The following FGF14 variants were observed in gnomAD, a reference collection of about 807,000 sequenced individuals.
The protein encoded by FGF14 is fibroblast growth factor homologous factor 4.
In FGF14, 5 loss-of-function variants were observed where a neutral mutation model predicts 25.5. The ratio of observed to expected loss-of-function variants is 0.20; its 90% confidence interval spans 0.10 to 0.41. The LOEUF (loss-of-function observed/expected upper bound fraction) is 0.41, where lower values mean the gene tolerates loss of function less well. Ranked by LOEUF, FGF14 falls within the 10% of genes least tolerant of loss-of-function variation. The pLI is 1.00. For missense variants in FGF14, 222 were observed against 320.1 expected (o/e 0.69, Z 2.34); for synonymous variants, 138 against 118.3 (o/e 1.17, Z -1.08).
At chr13:102,146,763 G>T (rs985730869) in intron 1 of FGF14, among the ~76,000 whole-genome samples, 2 of 152,130 alleles carry the variant, frequency 1.3e-5, no homozygotes, top group African/African-American at 4.8e-5. Flanking sequence ...AAAAGCATGA[G>T]TTTCAAACGA....
chr13:101,946,706 A>AGTCC (rs1404669535), intron 1 of FGF14, among the ~76,000 whole-genome samples: 63 of 152,326 alleles, frequency 4.1e-4, no homozygotes, highest in African/African-American at 1.4e-3. Flanking sequence ...CACAGGGACT[A>AGTCC]CTTTTTAAGA....
At chr13:102,193,154 T>C (rs2049196418) in intron 1 of FGF14, among the ~76,000 whole-genome samples, 1 of 152,136 alleles carries the variant, frequency 6.6e-6, no homozygotes, top group African/African-American at 2.4e-5. Flanking sequence ...AACAGAAACT[T>C]ATTTTCTCAC....
chr13:101,765,025 A>T (rs1299756026), intron 3 of FGF14, among the ~76,000 whole-genome samples: 1 of 152,208 alleles, frequency 6.6e-6, no homozygotes, highest in Non-Finnish European at 1.5e-5. Flanking sequence ...ACAATAGATC[A>T]GAGGCATTTT....
intron 1 of FGF14, among the ~76,000 whole-genome samples, chr13:102,274,069 G>A (rs969889585): frequency 6.6e-6 from 1 of 152,142 alleles, no homozygotes; most frequent in Non-Finnish European, 1.5e-5. Context: ...CACCTTGAGG[G>A]GTTTGTTGAG....
Position 101,811,032 on chromosome 13 carries a change from G to GC in FGF14, c.408+57692dup, listed in dbSNP as rs199790717. Among the ~76,000 whole-genome samples the GC allele has an allele frequency of 1.6e-3, 110 of 68,470 alleles. 2 individuals carry two copies. Among genetic ancestry groups the GC allele is most frequent in the South Asian group, 2.8e-3 (5 of 1,806 alleles). The allele number at this position is 68,470 out of a possible 152,430, so 44.9% of individuals were successfully genotyped here. On this transcript the variant is annotated intron_variant, in intron 3 of 4. Coordinates refer to ENST00000376143, the MANE Select transcript of FGF14 (RefSeq NM_004115.4). Reference sequence around the variant, plus strand: ...ATCCTGCTCCAAAACACACATATCCGCCCCCCCCGGCCCCCGCATTATCGA... The same window carrying GC: ...ATCCTGCTCCAAAACACACATATCCGCCCCCCCCCGGCCCCCGCATTATCGA...
At chr13:102,309,102 C>T (rs2055577960) in intron 1 of FGF14, among the ~76,000 whole-genome samples, 1 of 148,702 alleles carries the variant, frequency 6.7e-6, no homozygotes, top group African/African-American at 2.5e-5. Flanking sequence ...GAAAAGTAAA[C>T]ATGCACCCAC....
At chr13:101,848,154 A>G (rs1434751504) in intron 3 of FGF14, among the ~76,000 whole-genome samples, 2 of 152,064 alleles carry the variant, frequency 1.3e-5, no homozygotes, top group South Asian at 4.1e-4. Context: ...TTTTTTAAAA[A>G]TCAAGGAAAT....
At chr13:101,812,635 ATATATATAT>A (rs2041603197) in intron 3 of FGF14, among the ~76,000 whole-genome samples, 2 of 11,026 alleles carry the variant, frequency 1.8e-4, no homozygotes, top group Non-Finnish European at 4.2e-4. Flanking sequence ...ATATATATAT[ATATATATAT>A]ATATATATAT....
rs370936679 is a variant in FGF14 at position 102,316,363 on chromosome 13, A to G, written c.208+85108T>C. On this transcript the variant is annotated intron_variant, in intron 1 of 4. Coordinates refer to the FGF14 transcript ENST00000376131. ...CATTCAACAAAAATGTGGTAAGTTG[A>G]TGGGGTGACAGATATGTTAATTCGC... is the stretch of plus-strand genomic sequence containing the variant. Among the ~76,000 whole-genome samples the G allele has an allele frequency of 1.7e-3, 253 of 152,328 alleles. 2 individuals carry two copies. Among genetic ancestry groups the G allele is most frequent in the African/African-American group, 5.6e-3 (233 of 41,588 alleles).
In FGF14 at chr13:101,796,244, TC is replaced by T. The variant is rs544837691; in HGVS notation, c.409-69435del. Among the ~76,000 whole-genome samples the T allele has an allele frequency of 4.5e-4, 68 of 152,152 alleles. No individual in the cohort carries two copies. The Middle Eastern group carries it at 0.01, about 23-fold the overall frequency. On this transcript the variant is annotated intron_variant, in intron 3 of 4. Coordinates refer to ENST00000376143, the MANE Select transcript of FGF14 (RefSeq NM_004115.4). ...ATTACTAAAATTCATTTCTTTAAAT[TC>T]TCAATGATCACTCTAGCAAGAACCT...
At chr13:102,338,302 G>A (rs2056846587) in intron 1 of FGF14, among the ~76,000 whole-genome samples, 1 of 152,164 alleles carries the variant, frequency 6.6e-6, no homozygotes, top group African/African-American at 2.4e-5. Flanking sequence ...GTGACAGTGA[G>A]AAACACTGAC....
chr13:102,329,864 C>G (rs527441630), intron 1 of FGF14, among the ~76,000 whole-genome samples: 1 of 152,156 alleles, frequency 6.6e-6, no homozygotes, highest in East Asian at 1.9e-4. Flanking sequence ...CCTCACTTCT[C>G]AGCTTATATT....
At chr13:101,783,468 CAA>C (rs397722208) in intron 3 of FGF14, among the ~76,000 whole-genome samples, 9 of 135,788 alleles carry the variant, frequency 6.6e-5, no homozygotes, top group Admixed American at 7.2e-5. Context: ...GACTCTGTCT[CAA>C]AAAAAAAAAA....
At chr13:101,889,850 G>T (rs2046182544) in intron 1 of FGF14, among the ~76,000 whole-genome samples, 1 of 152,160 alleles carries the variant, frequency 6.6e-6, no homozygotes, top group Admixed American at 6.6e-5. Flanking sequence ...GCTTTGCAGT[G>T]CTACTTAGCC....
chr13:101,809,587 A>G (rs1378093728), intron 3 of FGF14, among the ~76,000 whole-genome samples: 3 of 152,216 alleles, frequency 2.0e-5, no homozygotes, highest in Non-Finnish European at 4.4e-5. Context: ...AGAGACATAT[A>G]GAAAAGCAAC....
chr13:102,042,038 A>G (rs1221436044), intron 1 of FGF14, among the ~76,000 whole-genome samples: 1 of 152,200 alleles, frequency 6.6e-6, no homozygotes, highest in African/African-American at 2.4e-5. Flanking sequence ...ACAAACGAAC[A>G]TACTCAAAGA....
chr13:101,845,959 CCA>C (rs907532784), intron 3 of FGF14, among the ~76,000 whole-genome samples: 6 of 151,906 alleles, frequency 3.9e-5, no homozygotes, highest in Non-Finnish European at 8.8e-5. Flanking sequence ...AATAATCTGG[CCA>C]ACATGCAACT....
chr13:102,014,390 C>A (rs980494375), intron 1 of FGF14, among the ~76,000 whole-genome samples: 1 of 152,044 alleles, frequency 6.6e-6, no homozygotes, highest in Non-Finnish European at 1.5e-5. Context: ...TTGACCAGAA[C>A]CAGGCATATT....
intron 1 of FGF14, among the ~76,000 whole-genome samples, chr13:102,372,386 G>A (rs939179075): frequency 1.1e-4 from 17 of 152,074 alleles, no homozygotes; most frequent in African/African-American, 3.6e-4. Context: ...TTATTCATCC[G>A]AAATTCAAAT....
Sources: gnomAD v4.1 joint callset for allele counts (sites outside exome capture counted in the v4.1 genomes callset) on GRCh38, gnomAD v4.1.1 for gene constraint, MANE v1.5 for transcripts, NCBI Gene and HGNC (gene_info 2026-07-23, HGNC 2026-07-21) for gene names.